Variants in C11orf16 observed in about 807,000 individuals in gnomAD.
C11orf16 encodes chromosome 11 open reading frame 16, also known as uncharacterized protein C11orf16.
A neutral mutation model predicts 45.1 loss-of-function variants in C11orf16; 38 were observed. The ratio of observed to expected loss-of-function variants is 0.84; its 90% CI spans 0.65 to 1.10. C11orf16 has a LOEUF of 1.10. C11orf16 is among the 50% of genes least tolerant of loss of function. C11orf16 has a pLI of 0.00. For missense variants in C11orf16, 583 were observed against 569.5 expected (o/e 1.02, Z -0.24); for synonymous variants, 221 against 222.0 (o/e 1.00, Z 0.04).
At chr11:8,921,550 G>T in intron 5 of C11orf16, 35 bp from the exon 6 acceptor site, 1 of 1,580,754 alleles carries the variant, frequency 6.3e-7, no homozygotes, top group Non-Finnish European at 8.7e-7. Context: ...GGTTGAATAT[G>T]CCACCATTTT....
At chr11:8,928,555 T>A (rs938449021) in intron 3 of C11orf16, among the ~76,000 whole-genome samples, 13 of 152,122 alleles carry the variant, frequency 8.5e-5, no homozygotes, top group Non-Finnish European at 1.9e-4. Flanking sequence ...ACCTCCACCC[T>A]CCTCCCACAG....
chr11:8,920,472 C>G (rs1457624792), intron 6 of C11orf16, 22 bp from the exon 7 acceptor site: 1 of 666,294 alleles, frequency 1.5e-6, no homozygotes, highest in Non-Finnish European at 2.7e-6. Context: ...GGAAAAATTC[C>G]ATACATTGTT....
intron 6 of C11orf16, 97 bp downstream of exon 6, chr11:8,921,197 C>T: frequency 2.2e-6 from 2 of 904,444 alleles, no homozygotes; most frequent in Non-Finnish European, 3.5e-6. Flanking sequence ...GACAAGGGGT[C>T]ATAGGTTTTA....
intron 1 of C11orf16, 112 bp from the exon 2 acceptor site, chr11:8,932,438 A>G (rs939939862): frequency 2.4e-6 from 2 of 831,672 alleles, no homozygotes; most frequent in Non-Finnish European, 3.5e-6. Flanking sequence ...AGTTGAGTCC[A>G]TGCACGGCCC....
At chr11:8,928,048 C>T (rs1048004333) in intron 3 of C11orf16, among the ~76,000 whole-genome samples, 2 of 152,136 alleles carry the variant, frequency 1.3e-5, no homozygotes, top group African/African-American at 4.8e-5. Flanking sequence ...GCTGGGACTA[C>T]AGGAGCCCAC....
intron 3 of C11orf16, 191 bp from the exon 4 acceptor site, chr11:8,927,365 C>T (rs919305573): frequency 1.2e-5 from 7 of 599,078 alleles, no homozygotes; most frequent in Admixed American, 1.1e-4. Context: ...CTGTGTGGCA[C>T]GGTTGTGCTC....
At chr11:8,926,902 C>A in intron 4 of C11orf16, 38 bp downstream of exon 4, 1 of 1,549,404 alleles carries the variant, frequency 6.5e-7, no homozygotes, top group South Asian at 1.1e-5. Context: ...CAGCCTGGCT[C>A]CTTCTGGGCA....
intron 5 of C11orf16, among the ~76,000 whole-genome samples, chr11:8,924,741 C>G (rs550526935): frequency 9.9e-5 from 15 of 152,268 alleles, no homozygotes; most frequent in African/African-American, 3.6e-4. Context: ...CCCAGGACTC[C>G]CAGAATCTTG....
rs944915330 is a variant in C11orf16 at position 8,920,446 on chromosome 11, T to C, written c.*27A>G. 10 of 675,996 alleles carry C rather than the reference T, an allele frequency of 1.5e-5. No individual in the cohort carries two copies. In the African/African-American group the frequency reaches 1.8e-4, roughly 12 times the overall value. 41.9% of individuals were successfully genotyped at this position (675,996 alleles called of 1,614,324 possible). A position where few individuals can be genotyped will look rare whatever the true frequency, so the allele number is the denominator to read the frequency against. ...CCTCGAATATTTACCATGTTTATTCTTTACCTATAAAAGGGGGAAAAATTC... is the reference window on the plus strand; with the variant it reads ...CCTCGAATATTTACCATGTTTATTCCTTACCTATAAAAGGGGGAAAAATTC... On this transcript the variant is annotated 3_prime_UTR_variant, in exon 7 of 7. Coordinates refer to ENST00000326053, the MANE Select transcript of C11orf16 (RefSeq NM_020643.3).
chr11:8,923,961 C>T (rs1024025488), intron 5 of C11orf16, among the ~76,000 whole-genome samples: 10 of 149,374 alleles, frequency 6.7e-5, no homozygotes, highest in African/African-American at 2.5e-4. Flanking sequence ...ATTGGAGTAA[C>T]CCATTTCACA....
chr11:8,925,533 C>T lies in C11orf16; in HGVS notation c.1134G>A (p.Gln378=), dbSNP rs146836226. The T allele has an allele frequency of 1.9e-6, 3 of 1,614,258 alleles. No individual in the cohort carries two copies. The highest frequency in any genetic ancestry group is 3.3e-5 in the Admixed American group (2 of 60,036). The change falls in exon 5 of 7, where the codon CAG becomes CAA. Residue 378 remains glutamine, a synonymous_variant. Coordinates refer to ENST00000326053, the MANE Select transcript of C11orf16 (RefSeq NM_020643.3). ...DPIFLEMPLR[Q]SGLCQPEWRY... is the part of the protein sequence containing the mutation. ...TCCACTCAGGCTGGCAGAGGCCACT[C>T]TGTCTCAGAGGCATCTCAAGAAAGA...
chr11:8,926,185 CTTTTTTTT>C, intron 4 of C11orf16, 78 bp from the exon 5 acceptor site: 1 of 886,444 alleles, frequency 1.1e-6, no homozygotes, highest in South Asian at 2.1e-5. Context: ...TTTTTCTTTT[CTTTTTTTT>C]TTTTTTTTTT....
In C11orf16 at chr11:8,926,029, AC is replaced by A. The variant is rs1239570302; in HGVS notation, c.637del (p.Val213CysfsTer3). On this transcript the variant is annotated frameshift_variant, in exon 5 of 7. Coordinates refer to ENST00000326053, the MANE Select transcript of C11orf16 (RefSeq NM_020643.3). LOFTEE classifies it high-confidence loss of function. ...AKVPLGGVQS[V>X]SLTIWKKAVE... ...AGCCTTCTTCCAGATGGTCAGGGAC[AC>A]CGACTGGACCCCACCTAGGGGCACT... 1.2e-6 allele frequency: 2 copies of A among 1,614,014 alleles called. No individual in the cohort carries two copies. Among genetic ancestry groups the A allele is most frequent in the Non-Finnish European group, 1.7e-6 (2 of 1,180,024 alleles).
In C11orf16 at chr11:8,932,294, C is replaced by A. The variant is rs765784757; in HGVS notation, c.15G>T (p.Thr5=). 8.7e-6 allele frequency: 14 copies of A among 1,605,136 alleles called. No individual in the cohort carries two copies. The highest frequency in any genetic ancestry group is 4.5e-5 in the East Asian group (2 of 44,794). MESS[T]GPRMPLLKYC... is the part of the protein sequence containing the mutation. ...ATTTGAGCAAAGGCATCCTGGGCCC[C>A]GTGGAGGATTCCATGGCCTTCAGAG... Residue 5 remains threonine, a synonymous_variant, in exon 2 of 7, where the codon ACG becomes ACT. Transcript: ENST00000326053.
chr11:8,922,931 C>T (rs1305923509), intron 5 of C11orf16, among the ~76,000 whole-genome samples: 1 of 152,136 alleles, frequency 6.6e-6, no homozygotes, highest in African/African-American at 2.4e-5. Flanking sequence ...CACCCCCTCT[C>T]GGGCATGCTC....
intron 4 of C11orf16, 81 bp from the exon 5 acceptor site, chr11:8,926,188 T>G: frequency 1.3e-6 from 1 of 784,940 alleles, no homozygotes; most frequent in Non-Finnish European, 1.7e-6. Context: ...TTCTTTTCTT[T>G]TTTTTTTTTT....
chr11:8,928,355 C>T (rs2064628907), intron 3 of C11orf16, among the ~76,000 whole-genome samples: 1 of 152,080 alleles, frequency 6.6e-6, no homozygotes, highest in Non-Finnish European at 1.5e-5. Context: ...AAGTACAGGC[C>T]AGGCCTGGCC....
intron 2 of C11orf16, among the ~76,000 whole-genome samples, chr11:8,931,393 A>C (rs977398712): frequency 1.0e-4 from 15 of 148,030 alleles, no homozygotes; most frequent in African/African-American, 3.8e-4. Context: ...CCAGCTAATT[A>C]TTGTTTTTTC....
At chr11:8,927,385 T>G (rs889082709) in intron 3 of C11orf16, 10 of 587,592 alleles carry the variant, frequency 1.7e-5, no homozygotes, top group East Asian at 8.5e-5. Flanking sequence ...CCCCTGAATC[T>G]CTTCCTGCCT....
Sources: gnomAD v4.1 joint callset for allele counts (sites outside exome capture counted in the v4.1 genomes callset) on GRCh38, gnomAD v4.1.1 for gene constraint, MANE v1.5 for transcripts, NCBI Gene and HGNC (gene_info 2026-07-23, HGNC 2026-07-21) for gene names.